Variants in STX3 observed in about 807,000 individuals in gnomAD.
STX3 encodes syntaxin-3.
A neutral mutation model predicts 40.2 loss-of-function variants in STX3; 19 were observed. The ratio of observed to expected loss-of-function variants is 0.47; its 90% CI spans 0.33 to 0.69. The LOEUF is 0.69. Among genes scored for constraint, STX3 ranks in the 30% least tolerant of loss-of-function variants. The probability of loss-of-function intolerance (pLI) is 0.02; values close to 1 mark genes in which losing one functional copy is unlikely to be tolerated. For missense variants in STX3, 364 were observed against 366.7 expected, an observed-to-expected ratio of 0.99 and a Z score of 0.06; for synonymous variants, 122 against 132.2, an observed-to-expected ratio of 0.92 and a Z score of 0.53.
rs1291541808 is a variant in STX3 at position 59,803,985 on chromosome 11, G to A, written c.*3161G>A. On this transcript the variant is annotated 3_prime_UTR_variant, in exon 11 of 11. Transcript: ENST00000337979. The stretch of plus-strand genomic sequence containing the variant: ...AGGGCACCAATCAACTACTTATTAA[G>A]AATTATGCAAAGAATAAACGTATAC... 1.3e-5 allele frequency: 2 copies of A among 152,912 alleles called. No individual in the cohort carries two copies. The highest frequency in any genetic ancestry group is 2.9e-5 in the Non-Finnish European group (2 of 68,040). 9.5% of individuals were successfully genotyped at this position (152,912 alleles called of 1,614,324 possible).
In STX3 at chr11:59,805,713, T is replaced by G. The variant is rs1242014126; in HGVS notation, c.*4889T>G. 2.0e-5 allele frequency: 3 copies of G among 152,632 alleles called. No individual in the cohort carries two copies. The highest frequency in any genetic ancestry group is 7.2e-5 in the African/African-American group (3 of 41,464). The allele number at this position is 152,632 out of a possible 1,614,324, so 9.5% of individuals were successfully genotyped here. A position where few individuals can be genotyped will look rare whatever the true frequency, so the allele number is the denominator to read the frequency against. On this transcript the variant is annotated 3_prime_UTR_variant, in exon 11 of 11. Coordinates refer to ENST00000337979, the MANE Select transcript of STX3 (RefSeq NM_004177.5). ...CAAACATAGAGCCAAACACTCTCCC[T>G]CTTGGAGAATTTCAGACCCAGAAAA...
At chr11:59,766,321 A>G (rs1044113542) in intron 1 of STX3, among the ~76,000 whole-genome samples, 4 of 149,312 alleles carry the variant, frequency 2.7e-5, no homozygotes, top group Admixed American at 6.7e-5. Context: ...AGGAGGGACA[A>G]ACTCTTTTTA....
In STX3 at chr11:59,804,064, G is replaced by A. The variant is rs1442750226; in HGVS notation, c.*3240G>A. The stretch of plus-strand genomic sequence containing the variant: ...GTACAGATACATAGCTGATTAGGCA[G>A]ATGGTTTAAAGGAGGACTGCAGGGT... On this transcript the variant is annotated 3_prime_UTR_variant, in exon 11 of 11. Coordinates refer to ENST00000337979, the MANE Select transcript of STX3 (RefSeq NM_004177.5). The A allele has an allele frequency of 6.6e-6, 1 of 152,376 alleles. No individual in the cohort carries two copies. The highest frequency in any genetic ancestry group is 6.5e-5 in the Admixed American group (1 of 15,288). 9.4% of individuals were successfully genotyped at this position (152,376 alleles called of 1,614,324 possible).
At position 59,755,563 on chromosome 11, in the gene STX3, CACCTGGGACGCGCTA is replaced by C; in HGVS notation, c.-42_-28del. On this transcript the variant is annotated 5_prime_UTR_variant, in exon 1 of 11. Coordinates refer to ENST00000337979, the MANE Select transcript of STX3 (RefSeq NM_004177.5). ...GGGAAGCGCTCACCTGGGACGCGCT[CACCTGGGACGCGCTA>C]CCTGCCTCCGGGCGCCTGGGCTTCA... The C allele has an allele frequency of 6.3e-7, 1 of 1,589,218 alleles. No homozygotes were observed. Among genetic ancestry groups the C allele is most frequent in the South Asian group, 1.1e-5 (1 of 90,686 alleles).
chr11:59,761,767 G>C (rs78651878), intron 1 of STX3, among the ~76,000 whole-genome samples: 3,468 of 151,434 alleles, frequency 0.023, 132 homozygotes, highest in African/African-American at 0.081. Flanking sequence ...AGCAAATACT[G>C]TCTGGTTATG....
chr11:59,795,922 A>G (rs1865494139), intron 9 of STX3, among the ~76,000 whole-genome samples: 1 of 152,086 alleles, frequency 6.6e-6, no homozygotes, highest in South Asian at 2.1e-4. Context: ...TATCTCCCCA[A>G]AAACCCACAC....
intron 2 of STX3, among the ~76,000 whole-genome samples, chr11:59,778,226 C>T (rs1864107553): frequency 6.6e-6 from 1 of 152,158 alleles, no homozygotes; most frequent in Admixed American, 6.5e-5. Flanking sequence ...TGTTTTGAAA[C>T]CACCAGAGTC....
intron 4 of STX3, 73 bp from the exon 5 acceptor site, chr11:59,790,446 G>A (rs1478548589): frequency 1.7e-6 from 2 of 1,194,928 alleles, no homozygotes; most frequent in African/African-American, 3.0e-5. Flanking sequence ...GAATGAGTGA[G>A]GAAGTTTCAC....
At chr11:59,781,776 A>C in intron 2 of STX3, 1 of 1,522,724 alleles carries the variant, frequency 6.6e-7, no homozygotes, top group Non-Finnish European at 8.9e-7. Flanking sequence ...TAAAGCAAAG[A>C]AGCAAACAAA....
In STX3 at chr11:59,804,725, CAAAAT is replaced by C. The variant is rs1414972769; in HGVS notation, c.*3908_*3912del. On this transcript the variant is annotated 3_prime_UTR_variant, in exon 11 of 11. Coordinates refer to ENST00000337979, the MANE Select transcript of STX3 (RefSeq NM_004177.5). Reference sequence around the variant, plus strand: ...GGTTCAATAACGAAATACAGGCCCACAAAATAAAATAGGTTTATAGCATGACTGAA... The same window carrying C: ...GGTTCAATAACGAAATACAGGCCCACAAAATAGGTTTATAGCATGACTGAA... 1 of 152,120 alleles carries C rather than the reference CAAAAT, an allele frequency of 6.6e-6. No homozygotes were observed. The highest frequency in any genetic ancestry group is 1.5e-5 in the Non-Finnish European group (1 of 68,044). 9.4% of individuals were successfully genotyped at this position (152,120 alleles called of 1,614,324 possible).
chr11:59,777,815 A>C (rs1864069538), intron 2 of STX3, among the ~76,000 whole-genome samples: 1 of 152,196 alleles, frequency 6.6e-6, no homozygotes, highest in African/African-American at 2.4e-5. Flanking sequence ...TTGCTGACAG[A>C]TTCTGTGGAG....
chr11:59,771,099 A>C (rs1863598146), intron 1 of STX3, among the ~76,000 whole-genome samples: 1 of 152,172 alleles, frequency 6.6e-6, no homozygotes, highest in Non-Finnish European at 1.5e-5. Flanking sequence ...CCACAGAGGA[A>C]GGTGTTTCGA....
intron 1 of STX3, among the ~76,000 whole-genome samples, chr11:59,768,800 T>G (rs754540936): frequency 6.6e-6 from 1 of 152,074 alleles, no homozygotes; most frequent in Non-Finnish European, 1.5e-5. Context: ...GGCAGGAGAC[T>G]GTTGTAATGG....
intron 2 of STX3, among the ~76,000 whole-genome samples, chr11:59,775,609 G>C (rs1207743574): frequency 6.6e-6 from 1 of 152,150 alleles, no homozygotes; most frequent in African/African-American, 2.4e-5. Flanking sequence ...ACCTTGGTCA[G>C]GTTGCTTAAC....
At chr11:59,786,263 G>A (rs138181447) in intron 2 of STX3, among the ~76,000 whole-genome samples, 1,545 of 144,186 alleles carry the variant, frequency 0.011, 39 homozygotes, top group African/African-American at 0.037. Flanking sequence ...TTTTTTTGAG[G>A]CAGTCTCGCT....
chr11:59,789,049 C>A, intron 4 of STX3, 102 bp downstream of exon 4: 1 of 1,025,860 alleles, frequency 9.7e-7, no homozygotes, highest in Non-Finnish European at 1.4e-6. Flanking sequence ...ATGGAAGTGA[C>A]ACCACTTGGT....
chr11:59,795,488 A>ACTCTCCTGTGG lies in STX3; in HGVS notation c.786+8_786+18dup. 2 of 1,607,716 alleles carry ACTCTCCTGTGG rather than the reference A, an allele frequency of 1.2e-6. No homozygotes were observed. The highest frequency in any genetic ancestry group is 1.7e-6 in the Non-Finnish European group (2 of 1,177,134). On this transcript the variant is annotated splice_region_variant and intron_variant, in intron 9 of 10. Transcript: ENST00000337979. ...ACCAGAGTCAGGCCCGGAAGGTGAGACTCTCCTGTGGCCTTCAGAGAAGAG... is the reference window on the plus strand; with the variant it reads ...ACCAGAGTCAGGCCCGGAAGGTGAGACTCTCCTGTGGCTCTCCTGTGGCCTTCAGAGAAGAG...
rs1590844587 is a variant in STX3, at chr11:59,805,085, G to A, written c.*4261G>A. Reference sequence around the variant, plus strand: ...CCAGCTACTTGGGAGGCTGAGGCAGGAGAATTGCTTGAATGCAAGAGGCGG... The same window carrying A: ...CCAGCTACTTGGGAGGCTGAGGCAGAAGAATTGCTTGAATGCAAGAGGCGG... On this transcript the variant is annotated 3_prime_UTR_variant, in exon 11 of 11. Coordinates refer to ENST00000337979, the MANE Select transcript of STX3 (RefSeq NM_004177.5). 6.6e-6 allele frequency: 1 copy of A among 151,374 alleles called. No homozygotes were observed. Among genetic ancestry groups the A allele is most frequent in the African/African-American group, 2.4e-5 (1 of 41,238 alleles). 9.4% of individuals were successfully genotyped at this position (151,374 alleles called of 1,614,324 possible). A position where few individuals can be genotyped will look rare whatever the true frequency, so the allele number is the denominator to read the frequency against.
intron 2 of STX3, among the ~76,000 whole-genome samples, chr11:59,775,517 T>C (rs1863917740): frequency 6.6e-6 from 1 of 152,236 alleles, no homozygotes; most frequent in Admixed American, 6.5e-5. Flanking sequence ...GAGAGGACCC[T>C]CTTTGTTAGG....
Sources: gnomAD v4.1 joint callset for allele counts (sites outside exome capture counted in the v4.1 genomes callset) on GRCh38, gnomAD v4.1.1 for gene constraint, MANE v1.5 for transcripts, NCBI Gene and HGNC (gene_info 2026-07-23, HGNC 2026-07-21) for gene names.